The following ZNF254 variants were observed in gnomAD, a reference collection of about 807,000 sequenced individuals.
ZNF254 encodes CTD-2017D11.1.
A neutral mutation model predicts 12.4 loss-of-function variants in ZNF254; 10 were observed. The observed-to-expected ratio is 0.80, with a 90% CI of 0.50 to 1.36. The LOEUF is 1.36. ZNF254 is among the 40% of genes most tolerant of loss of function. The probability of loss-of-function intolerance (pLI) is 0.00; values close to 1 mark genes in which losing one functional copy is unlikely to be tolerated. For synonymous variants in ZNF254, 305 were observed against 253.4 expected (o/e 1.20, Z -1.93); for missense variants, 996 against 763.9 (o/e 1.30, Z -3.58).
chr19:24,085,704 G>T (rs1775000130), upstream of ZNF254, among the ~76,000 whole-genome samples: 1 of 150,300 alleles, frequency 6.7e-6, no homozygotes, highest in African/African-American at 2.4e-5. Flanking sequence ...CTTGGGAGGC[G>T]GAGGTTGCAG....
intron 1 of ZNF254, among the ~76,000 whole-genome samples, chr19:24,100,852 G>C (rs918966499): frequency 5.6e-5 from 8 of 142,332 alleles, no homozygotes; most frequent in Non-Finnish European, 1.2e-4. Flanking sequence ...TTTTAGATGT[G>C]GTTTTGCTCT....
At chr19:24,098,801 C>T (rs1972819973) in intron 1 of ZNF254, 1 of 152,044 alleles carries the variant, frequency 6.6e-6, no homozygotes, top group South Asian at 2.1e-4. Flanking sequence ...GAAAGACAGG[C>T]TATTACAGTG....
intron 2 of ZNF254, 53 bp downstream of exon 2, chr19:24,106,119 T>G (rs1973328358): frequency 7.9e-6 from 12 of 1,509,822 alleles, no homozygotes; most frequent in Non-Finnish European, 1.1e-5. Flanking sequence ...CTTTTATTTT[T>G]CTTTAGAATG....
rs181875515 is a variant in ZNF254 at position 24,070,256 on chromosome 19, A to G, written c.-94+23977A>G. ...TTAGAGTGGATTGCGACTCACATGC[A>G]TATTGCATAAAGTCCTCAGGTAATG... On this transcript the variant is annotated intron_variant, in intron 2 of 4. Coordinates refer to the ZNF254 transcript ENST00000613065. 1.6e-3 allele frequency among the ~76,000 whole-genome samples: 247 copies of G among 152,358 alleles called. 1 individual carries two copies. The highest frequency in any genetic ancestry group is 3.4e-3 in the Middle Eastern group (1 of 294).
intron 1 of ZNF254, among the ~76,000 whole-genome samples, chr19:24,091,245 T>A (rs1972362251): frequency 6.6e-6 from 1 of 151,234 alleles, no homozygotes; most frequent in African/African-American, 2.4e-5. Flanking sequence ...GTGCTTGGCC[T>A]ATGGCTGAGT....
intron 1 of ZNF254, among the ~76,000 whole-genome samples, chr19:24,097,664 C>T (rs1441304699): frequency 1.3e-5 from 2 of 151,778 alleles, no homozygotes; most frequent in South Asian, 2.1e-4. Flanking sequence ...GCCTGTAATC[C>T]CAGGTATTTG....
intron 1 of ZNF254, chr19:24,098,888 A>T (rs958770278): frequency 6.6e-6 from 1 of 151,292 alleles, no homozygotes; most frequent in African/African-American, 2.4e-5. Context: ...CATTATAAAT[A>T]GAAACTGTGG....
chr19:24,049,212 A>ATTTTT (rs1179977299), intron 2 of ZNF254, among the ~76,000 whole-genome samples: 22 of 42,206 alleles, frequency 5.2e-4, no homozygotes, highest in Admixed American at 1.0e-3. Context: ...ATATATATAT[A>ATTTTT]TATTTTTTTT....
chr19:24,050,818 A>G (rs183014679), intron 2 of ZNF254, among the ~76,000 whole-genome samples: 260 of 152,214 alleles, frequency 1.7e-3, no homozygotes, highest in African/African-American at 5.8e-3. Context: ...CAATACCATG[A>G]TCTTGGCTCA....
In ZNF254 at chr19:24,127,859, A is replaced by G. The variant is rs200148530; in HGVS notation, c.1859A>G (p.His620Arg). 43 of 1,613,428 alleles carry G rather than the reference A, an allele frequency of 2.7e-5. No individual in the cohort carries two copies. In the East Asian group the frequency reaches 8.2e-4, roughly 31 times the overall value. The change falls in exon 4 of 4, where the codon CAT becomes CGT. Residue 620 changes from histidine to arginine, a missense_variant. By Grantham distance (29) the His-to-Arg change is conservative. Transcript: ENST00000357002. The stretch of plus-strand genomic sequence containing the variant: ...TTCTGGTCCTCAACCCTAACTAAAC[A>G]TAAGAGAATTCATACTGGAGAGCAA... ...AFFWSSTLTK[H>R]KRIHTGEQPY...
In ZNF254 at chr19:24,123,162, G is replaced by A. The variant is rs538472426; in HGVS notation, c.254-3092G>A. ...CAGAATATTAATTATTTCAACCTTT[G>A]TTTAAAAGCACACTCAAGGGTGTGT... On this transcript the variant is annotated intron_variant, in intron 3 of 3. Transcript: ENST00000357002. 9.2e-5 allele frequency among the ~76,000 whole-genome samples: 14 copies of A among 152,174 alleles called. No homozygotes were observed. The South Asian group carries it at 2.1e-3, about 23-fold the overall frequency.
chr19:24,049,567 T>C (rs1285150082), intron 2 of ZNF254: 2 of 152,170 alleles, frequency 1.3e-5, no homozygotes, highest in Admixed American at 6.5e-5. Flanking sequence ...ACTATTCCAC[T>C]GCCTTGGCAC....
chr19:24,127,400 G>A lies in ZNF254; in HGVS notation c.1400G>A (p.Cys467Tyr), dbSNP rs1201239591. 6.2e-7 allele frequency: 1 copy of A among 1,612,166 alleles called. No homozygotes were observed. Among genetic ancestry groups the A allele is most frequent in the Non-Finnish European group, 8.5e-7 (1 of 1,178,716 alleles). Reference sequence around the variant, plus strand: ...GAGAAACCCTACAAATGTGAAGAATGTGGCAAGGCATTTATATGGTCCTCA... The same window carrying A: ...GAGAAACCCTACAAATGTGAAGAATATGGCAAGGCATTTATATGGTCCTCA... ...TREKPYKCEE[C>Y]GKAFIWSSTL... Residue 467 changes from cysteine to tyrosine, a missense_variant, in exon 4 of 4, where the codon TGT (cysteine) becomes TAT (tyrosine). Cys to Tyr is a radical substitution (Grantham distance 194, BLOSUM62 -2). Coordinates refer to ENST00000357002, the MANE Select transcript of ZNF254 (RefSeq NM_203282.4).
intron 3 of ZNF254, among the ~76,000 whole-genome samples, chr19:24,107,641 T>C (rs540090807): frequency 1.9e-4 from 29 of 152,310 alleles, no homozygotes; most frequent in African/African-American, 6.5e-4. Context: ...ATTTTACTTA[T>C]TGGTCTTCAA....
intron 1 of ZNF254, among the ~76,000 whole-genome samples, chr19:24,093,673 G>T (rs1300355290): frequency 6.6e-6 from 1 of 152,122 alleles, no homozygotes; most frequent in African/African-American, 2.4e-5. Context: ...GTTCCATGTT[G>T]CTTTGTTTAC....
At chr19:24,122,074 C>G (rs1449880886) in intron 3 of ZNF254, among the ~76,000 whole-genome samples, 1 of 151,912 alleles carries the variant, frequency 6.6e-6, no homozygotes, top group Non-Finnish European at 1.5e-5. Flanking sequence ...ATTATTTTTA[C>G]TTGTCAAAAA....
At chr19:24,107,156 CT>C in intron 3 of ZNF254, 2 of 590,066 alleles carry the variant, frequency 3.4e-6, no homozygotes, top group Non-Finnish European at 6.0e-6. Context: ...CTGCTTTGTT[CT>C]TTTTCCTCAA....
intron 3 of ZNF254, among the ~76,000 whole-genome samples, chr19:24,115,511 C>T (rs948616937): frequency 7.1e-4 from 100 of 140,806 alleles, no homozygotes; most frequent in African/African-American, 2.6e-3. Context: ...AAATCACACT[C>T]TGGGGATTGA....
At position 24,093,965 on chromosome 19, in the gene ZNF254, G is replaced by A. The variant is rs1304467335; in HGVS notation, c.30+6628G>A. 6.6e-5 allele frequency among the ~76,000 whole-genome samples: 10 copies of A among 151,990 alleles called. 1 individual carries two copies. Among genetic ancestry groups the A allele is most frequent in the Admixed American group, 3.9e-4 (6 of 15,238 alleles). ...GCCATTTCTGACTTCTTTAAGCATT[G>A]TTTTGCAATTCTTATAGAGATCTTT... On this transcript the variant is annotated intron_variant, in intron 1 of 3. Transcript: ENST00000357002.
Sources: allele counts gnomAD v4.1 joint callset (sites outside exome capture counted in the v4.1 genomes callset), GRCh38; gene constraint gnomAD v4.1.1; transcripts MANE v1.5; gene names NCBI Gene and HGNC (gene_info 2026-07-23, HGNC 2026-07-21).